The following FNDC1 variants were observed in gnomAD, a reference collection of about 807,000 sequenced individuals.
FNDC1 encodes fibronectin type III domain-containing protein 1.
A neutral mutation model predicts 168.0 loss-of-function variants in FNDC1; 96 were observed. That is an observed-to-expected ratio of 0.57 (90% confidence interval 0.48 to 0.68). The LOEUF (loss-of-function observed/expected upper bound fraction) is 0.68, where lower values mean the gene tolerates loss of function less well. Ranked by LOEUF, FNDC1 falls within the 30% of genes least tolerant of loss-of-function variation. The pLI, the probability that FNDC1 is intolerant of heterozygous loss-of-function variation, is 0.00. For missense variants in FNDC1, 2,587 were observed against 2,482.1 expected, an observed-to-expected ratio of 1.04 and a Z score of -0.90; for synonymous variants, 1,099 against 1,025.9, an observed-to-expected ratio of 1.07 and a Z score of -1.36.
intron 1 of FNDC1, among the ~76,000 whole-genome samples, chr6:159,180,988 T>C (rs914287765): frequency 2.0e-5 from 3 of 152,222 alleles, no homozygotes; most frequent in Admixed American, 2.0e-4. Flanking sequence ...TTCTTTTGGA[T>C]ATAGACCCAG....
rs1777407521 is a variant in FNDC1, at chr6:159,257,889, A to AAAATGGAG, written c.5174+1259_5174+1266dup. On this transcript the variant is annotated intron_variant, in intron 18 of 22. Coordinates refer to ENST00000297267, the MANE Select transcript of FNDC1 (RefSeq NM_032532.3). ...GAAAACAAAACCAACAAAATTAGAG[A>AAAATGGAG]AAATGGAGTCAATGTCTTTTTTTTT... is the stretch of plus-strand genomic sequence containing the variant. Among the ~76,000 whole-genome samples the AAAATGGAG allele has an allele frequency of 2.0e-5, 3 of 147,472 alleles. No homozygotes were observed. In the South Asian group the frequency reaches 6.5e-4, roughly 32 times the overall value.
chr6:159,196,295 A>G (rs1053609365), intron 1 of FNDC1, among the ~76,000 whole-genome samples: 1 of 152,166 alleles, frequency 6.6e-6, no homozygotes, highest in Non-Finnish European at 1.5e-5. Flanking sequence ...ACGCTTCAAA[A>G]TCCTCAAATT....
Position 159,271,393 on chromosome 6 carries a change from A to G in FNDC1, c.5636A>G (p.Tyr1879Cys), listed in dbSNP as rs1427919036. ...FGNIGFGTPY[Y>C]YVGWYECGVS... ...AACATCGGCTTCGGAACCCCCTACT[A>G]CTATGTGGGCTGGTACGAGTGTGGG... The change falls in exon 23 of 23, where the codon TAC becomes TGC. Residue 1879 changes from tyrosine (Y) to cysteine (C), a missense_variant. Physicochemically the swap from Tyr to Cys is radical, Grantham distance 194. Transcript: ENST00000297267. The G allele has an allele frequency of 1.2e-6, 2 of 1,612,542 alleles. No individual in the cohort carries two copies. The highest frequency in any genetic ancestry group is 8.5e-7 in the Non-Finnish European group (1 of 1,179,390).
rs747634877 is a variant in FNDC1 at position 159,232,534 on chromosome 6, C to G, written c.2022C>G (p.Arg674=). 1 of 1,612,486 alleles carries G rather than the reference C, an allele frequency of 6.2e-7. No individual in the cohort carries two copies. Among genetic ancestry groups the G allele is most frequent in the Non-Finnish European group, 8.5e-7 (1 of 1,179,392 alleles). The stretch of plus-strand genomic sequence containing the variant: ...CCCGGCCAGCCCTGTCCCCCAGCCG[C>G]CAGTCCCCGTCCAGCGTTCTCCGCG... The part of the protein sequence containing the change: ...AQPRPALSPS[R]QSPSSVLRDR... Residue 674 remains arginine, a synonymous_variant, in exon 11 of 23, where the codon CGC becomes CGG. Transcript: ENST00000297267. The surrounding 1 kb of genome is among the most constrained non-coding windows in gnomAD (Gnocchi z 4.9).
At chr6:159,230,237 T>C (rs867280587) in intron 10 of FNDC1, among the ~76,000 whole-genome samples, 59 of 152,364 alleles carry the variant, frequency 3.9e-4, no homozygotes, top group African/African-American at 1.3e-3. Context: ...TATTAATGTA[T>C]TAATTATATA....
At chr6:159,224,197 T>C (rs976698890) in intron 7 of FNDC1, among the ~76,000 whole-genome samples, 2 of 152,244 alleles carry the variant, frequency 1.3e-5, no homozygotes, top group Admixed American at 6.5e-5. Flanking sequence ...TAAACCATGA[T>C]GTTATGCTAT....
At chr6:159,207,989 T>C (rs1247979239) in intron 4 of FNDC1, among the ~76,000 whole-genome samples, 1 of 152,246 alleles carries the variant, frequency 6.6e-6, no homozygotes, top group South Asian at 2.1e-4. Context: ...AAAAAGATTA[T>C]TGCTTTCTTT....
At chr6:159,212,702 G>A (rs567281505) in intron 4 of FNDC1, among the ~76,000 whole-genome samples, 6 of 152,208 alleles carry the variant, frequency 3.9e-5, no homozygotes, top group African/African-American at 9.6e-5. Context: ...TCTCTTGTCC[G>A]TTTGCTACCT....
At chr6:159,256,392 G>T (rs2115020961) in intron 17 of FNDC1, 131 bp from the exon 18 acceptor site, 1 of 688,468 alleles carries the variant, frequency 1.5e-6, no homozygotes, top group Non-Finnish European at 2.6e-6. Flanking sequence ...AGTGCCGCGT[G>T]CCCTCCTTCC....
chr6:159,189,566 T>G (rs1039483829), intron 1 of FNDC1, among the ~76,000 whole-genome samples: 1 of 152,234 alleles, frequency 6.6e-6, no homozygotes, highest in Non-Finnish European at 1.5e-5. Context: ...TCACTTATTC[T>G]TACTTCAGGG....
In FNDC1 at chr6:159,234,092, G is replaced by A; in HGVS notation, c.3580G>A (p.Asp1194Asn). Reference protein sequence around the residue: ...DAGFFKGGKEDLLSSSVPKWP... With the variant: ...DAGFFKGGKENLLSSSVPKWP... The stretch of plus-strand genomic sequence containing the variant: ...GGGATTTTTTAAAGGCGGGAAAGAA[G>A]ACCTTCTGTCTTCCTCTGTGCCAAA... Residue 1194 changes from aspartate to asparagine, a missense_variant, in exon 11 of 23, where the codon GAC becomes AAC. Transcript: ENST00000297267. 1 of 1,611,562 alleles carries A rather than the reference G, an allele frequency of 6.2e-7. No homozygotes were observed. Among genetic ancestry groups the A allele is most frequent in the Non-Finnish European group, 8.5e-7 (1 of 1,179,004 alleles).
chr6:159,227,428 T>C (rs546199307), intron 9 of FNDC1, among the ~76,000 whole-genome samples: 28 of 152,294 alleles, frequency 1.8e-4, no homozygotes, highest in Middle Eastern at 3.4e-3. Context: ...CTTAAAGAAA[T>C]CCAGAAAATT....
chr6:159,239,452 C>A, intron 13 of FNDC1, 65 bp from the exon 14 acceptor site: 2 of 1,392,274 alleles, frequency 1.4e-6, no homozygotes, highest in Admixed American at 2.6e-5. Flanking sequence ...ACACTTATTG[C>A]TTGCTTTTTA....
At position 159,234,392 on chromosome 6, in the gene FNDC1, C is replaced by T. The variant is rs2114994578; in HGVS notation, c.3880C>T (p.Pro1294Ser). The T allele has an allele frequency of 1.2e-6, 2 of 1,613,522 alleles. No individual in the cohort carries two copies. Among genetic ancestry groups the T allele is most frequent in the Non-Finnish European group, 1.7e-6 (2 of 1,179,778 alleles). Residue 1294 changes from proline (P) to serine (S), a missense_variant, in exon 11 of 23, where the codon CCG (proline) becomes TCG (serine). Physicochemically the swap from Pro to Ser is moderately conservative, Grantham distance 74. Transcript: ENST00000297267. ...RAPPGHFSTT[P>S]MLSLRQRMMH... ...CCCACCTGGCCACTTCTCCACCACC[C>T]CGATGCTGTCCTTGCGCCAGAGGAT... is the stretch of plus-strand genomic sequence containing the variant.
chr6:159,261,066 G>A (rs1777472739), intron 18 of FNDC1, 124 bp from the exon 19 acceptor site: 1 of 673,578 alleles, frequency 1.5e-6, no homozygotes, highest in South Asian at 1.8e-5. Context: ...AGTGCTGTAT[G>A]CATTTGTAAA....
chr6:159,231,926 C>G lies in FNDC1; in HGVS notation c.1414C>G (p.Pro472Ala). 6.2e-7 allele frequency: 1 copy of G among 1,613,034 alleles called. No individual in the cohort carries two copies. The highest frequency in any genetic ancestry group is 1.1e-5 in the South Asian group (1 of 90,810). The change falls in exon 11 of 23, where the codon CCC becomes GCC. Residue 472 changes from proline to alanine, a missense_variant. Pro to Ala is a conservative substitution (Grantham distance 27, BLOSUM62 -1). Coordinates refer to ENST00000297267, the MANE Select transcript of FNDC1 (RefSeq NM_032532.3). ...VEQNTEDNGK[P>A]EKPEPSSPSP... ...GCAGAACACGGAGGACAATGGGAAA[C>G]CCGAAAAACCTGAGCCTTCCTCACC...
Position 159,169,724 on chromosome 6 carries a change from C to T in FNDC1, c.109+19C>T, listed in dbSNP as rs1248379497. On this transcript the variant is annotated intron_variant, in intron 1 of 22. Transcript: ENST00000297267. The surrounding 1 kb of genome is among the most constrained non-coding windows in gnomAD (Gnocchi z 6.8). Reference sequence around the variant, plus strand: ...GCCTCAGGTACGCGCCGCGCCCGGGCCCCCGGCGCTCCTCAGCTCCCCGCG... The same window carrying T: ...GCCTCAGGTACGCGCCGCGCCCGGGTCCCCGGCGCTCCTCAGCTCCCCGCG... 1.9e-6 allele frequency: 2 copies of T among 1,029,196 alleles called. No homozygotes were observed. The highest frequency in any genetic ancestry group is 3.4e-5 in the African/African-American group (2 of 58,996). 63.8% of individuals were successfully genotyped at this position (1,029,196 alleles called of 1,614,324 possible).
At chr6:159,206,150 A>G (rs901386856) in intron 4 of FNDC1, among the ~76,000 whole-genome samples, 4 of 152,276 alleles carry the variant, frequency 2.6e-5, no homozygotes, top group Admixed American at 2.0e-4. Context: ...GGGCTCCACC[A>G]GATATTTCTG....
chr6:159,174,231 T>TG (rs1229122560), intron 1 of FNDC1, among the ~76,000 whole-genome samples: 1 of 152,232 alleles, frequency 6.6e-6, no homozygotes, highest in Non-Finnish European at 1.5e-5. Context: ...GCTGGGTCGC[T>TG]GGGGGACAGT....
Sources: allele counts gnomAD v4.1 joint callset (sites outside exome capture counted in the v4.1 genomes callset), GRCh38; gene constraint gnomAD v4.1.1; non-coding constraint Gnocchi (gnomAD v3.1); transcripts MANE v1.5; gene names NCBI Gene and HGNC (gene_info 2026-07-23, HGNC 2026-07-21).